RRP7A: variants seen among roughly 807,000 people sequenced by gnomAD.
RRP7A encodes the protein ribosomal RNA processing 7 homolog A.
In RRP7A, 27 loss-of-function variants were observed where a neutral mutation model predicts 38.4. The ratio of observed to expected loss-of-function variants is 0.70; its 90% CI spans 0.52 to 0.97. RRP7A has a LOEUF of 0.97. RRP7A is among the 50% of genes least tolerant of loss of function. The pLI, the probability that RRP7A is intolerant of heterozygous loss-of-function variation, is 0.00. For missense variants in RRP7A, 327 were observed against 375.4 expected (o/e 0.87, Z 1.07); for synonymous variants, 124 against 150.3 (o/e 0.83, Z 1.28).
chr22:42,514,852 G>A, intron 4 of RRP7A, 73 bp from the exon 5 acceptor site: 4 of 1,128,654 alleles, frequency 3.5e-6, no homozygotes, highest in Non-Finnish European at 5.2e-6. Context: ...GGGCCTGCCA[G>A]GCAAATTGGG....
chr22:42,514,953 G>A (rs1268794424), intron 4 of RRP7A, among the ~76,000 whole-genome samples, 174 bp from the exon 5 acceptor site: 1 of 150,576 alleles, frequency 6.6e-6, no homozygotes, highest in Non-Finnish European at 1.5e-5. Flanking sequence ...GTATGCCTGT[G>A]CCGCTCTGTG....
rs1256528264 is a variant in RRP7A at position 42,516,036 on chromosome 22, T to C, written c.317A>G (p.Lys106Arg). ...CGGAACTGGCTTGGGATGAAAAAACTTCGACCTTGACTCCTTTGGGCTCTC... is the reference window on the plus strand; with the variant it reads ...CGGAACTGGCTTGGGATGAAAAAACCTCGACCTTGACTCCTTTGGGCTCTC... ...LAESPKESRS[K>R]FFHPKPVPGF... The change falls in exon 3 of 7, where the codon AAG becomes AGG. Residue 106 changes from lysine (K) to arginine (R), a missense_variant. By Grantham distance (26) the Lys-to-Arg change is conservative. Coordinates refer to ENST00000323013, the MANE Select transcript of RRP7A (RefSeq NM_015703.5). 6.2e-7 allele frequency: 1 copy of C among 1,605,808 alleles called. No individual in the cohort carries two copies.
chr22:42,514,049 T>A (rs1920923860), intron 6 of RRP7A, 57 bp downstream of exon 6: 1 of 1,519,250 alleles, frequency 6.6e-7, no homozygotes, highest in Non-Finnish European at 9.0e-7. Flanking sequence ...GCCACAGGCC[T>A]CATCCGTGGC....
rs1932471499 is a variant in RRP7A, at chr22:42,511,803, CTT to C, written c.*1105_*1106del. 1 of 314,748 alleles carries C rather than the reference CTT, an allele frequency of 3.2e-6. No homozygotes were observed. The highest frequency in any genetic ancestry group is 6.8e-5 in the East Asian group (1 of 14,800). The allele number at this position is 314,748 out of a possible 1,614,324, so 19.5% of individuals were successfully genotyped here. ...CAGGCTGCTCACGTCATCTCATTAT[CTT>C]TTCTCACGAGGACTACTTCGGATAC... is the stretch of plus-strand genomic sequence containing the variant. On this transcript the variant is annotated 3_prime_UTR_variant, in exon 7 of 7. Transcript: ENST00000323013.
intron 4 of RRP7A, 100 bp downstream of exon 4, chr22:42,515,051 G>C: frequency 1.6e-6 from 1 of 623,948 alleles, no homozygotes; most frequent in South Asian, 1.9e-5. Context: ...CTCTCAGGGA[G>C]CATGGACTTG....
intron 4 of RRP7A, among the ~76,000 whole-genome samples, 165 bp from the exon 5 acceptor site, chr22:42,514,944 T>C (rs1484229772): frequency 1.1e-4 from 17 of 150,798 alleles, no homozygotes; most frequent in African/African-American, 4.2e-4. Context: ...GCCTGCCCAG[T>C]ATGCCTGTGC....
chr22:42,519,778 C>T lies in RRP7A; in HGVS notation c.9G>A (p.Ala3=). 1 of 1,444,282 alleles carries T rather than the reference C, an allele frequency of 6.9e-7. No individual in the cohort carries two copies. Among genetic ancestry groups the T allele is most frequent in the Non-Finnish European group, 9.1e-7 (1 of 1,100,214 alleles). The allele number at this position is 1,444,282 out of a possible 1,614,324, so 89.5% of individuals were successfully genotyped here. ...CCCGCGCGGCGCACTTCCTCCTGCG[C>T]GCCACCATCTTGCCACCCGGGAGCG... MV[A]RRRKCAARDP... Residue 3 remains alanine, a synonymous_variant, in exon 1 of 7, where the codon GCG becomes GCA. Coordinates refer to ENST00000323013, the MANE Select transcript of RRP7A (RefSeq NM_015703.5).
At chr22:42,514,403 C>T (rs542588254) in intron 5 of RRP7A, 99 bp from the exon 6 acceptor site, 2 of 845,064 alleles carry the variant, frequency 2.4e-6, no homozygotes, top group Admixed American at 2.7e-5. Context: ...GCCCTGAGCC[C>T]CCGCAGGGGA....
chr22:42,512,840 G>A lies in RRP7A; in HGVS notation c.*70C>T. 1 of 1,504,558 alleles carries A rather than the reference G, an allele frequency of 6.6e-7. No individual in the cohort carries two copies. Among genetic ancestry groups the A allele is most frequent in the Non-Finnish European group, 9.1e-7 (1 of 1,093,126 alleles). 93.2% of individuals were successfully genotyped at this position (1,504,558 alleles called of 1,614,324 possible). A position where few individuals can be genotyped will look rare whatever the true frequency, so the allele number is the denominator to read the frequency against. On this transcript the variant is annotated 3_prime_UTR_variant, in exon 7 of 7. Transcript: ENST00000323013. ...GTTGGCCAGAGCTCGGCCTCTCAGA[G>A]ACCGCTGCAGGCCCTGCCTCGCCTC...
rs538754336 is a variant in RRP7A at position 42,518,805 on chromosome 22, A to G, written c.74-658T>C. 1.2e-3 allele frequency: 540 copies of G among 464,236 alleles called. 4 individuals are homozygous for G. The highest frequency in any genetic ancestry group is 9.5e-3 in the African/African-American group (473 of 50,000). The allele number at this position is 464,236 out of a possible 1,614,324, so 28.8% of individuals were successfully genotyped here. A position where few individuals can be genotyped will look rare whatever the true frequency, so the allele number is the denominator to read the frequency against. ...CCTCATAAAGCTAGGAACTGCTTCT[A>G]TTTTTCTCACACCTCCGTCACAGTA... is the stretch of plus-strand genomic sequence containing the variant. On this transcript the variant is annotated intron_variant, in intron 1 of 6. Coordinates refer to ENST00000323013, the MANE Select transcript of RRP7A (RefSeq NM_015703.5).
intron 1 of RRP7A, among the ~76,000 whole-genome samples, chr22:42,519,465 A>T (rs536237578): frequency 6.6e-6 from 1 of 152,168 alleles, no homozygotes; most frequent in Non-Finnish European, 1.5e-5. Flanking sequence ...GAGTGTGGAC[A>T]GAGGCGGGCT....
In RRP7A at chr22:42,512,621, A is replaced by G. The variant is rs1328721809; in HGVS notation, c.*289T>C. On this transcript the variant is annotated 3_prime_UTR_variant, in exon 7 of 7. Coordinates refer to ENST00000323013, the MANE Select transcript of RRP7A (RefSeq NM_015703.5). ...TTTGCATTGAGGGAAAAGGAAGCAC[A>G]GAACGGATTCATCCAGGGTCCTGGA... 1.8e-6 allele frequency: 1 copy of G among 569,102 alleles called. No homozygotes were observed. The highest frequency in any genetic ancestry group is 3.2e-6 in the Non-Finnish European group (1 of 317,384). 35.3% of individuals were successfully genotyped at this position (569,102 alleles called of 1,614,324 possible).
chr22:42,516,249 A>G, intron 2 of RRP7A, 113 bp from the exon 3 acceptor site: 3 of 1,437,456 alleles, frequency 2.1e-6, no homozygotes, highest in South Asian at 1.2e-5. Context: ...ACTCAGCCAC[A>G]GCCACATCTG....
In RRP7A at chr22:42,509,041, T is replaced by C. The variant is rs773978858; in HGVS notation, c.*3869A>G. The C allele has an allele frequency of 6.2e-7, 1 of 1,606,858 alleles. No homozygotes were observed. Among genetic ancestry groups the C allele is most frequent in the Non-Finnish European group, 8.5e-7 (1 of 1,173,000 alleles). ...TTGTCTCTGCAGGCAGAGAACAGCA[T>C]TGACTTCGTCAGCAGGGAGCTGTGT... On this transcript the variant is annotated 3_prime_UTR_variant, in exon 7 of 7. Coordinates refer to ENST00000323013, the MANE Select transcript of RRP7A (RefSeq NM_015703.5).
At chr22:42,517,938 T>G in intron 2 of RRP7A, 67 bp downstream of exon 2, 1 of 1,559,162 alleles carries the variant, frequency 6.4e-7, no homozygotes, top group Non-Finnish European at 8.7e-7. Flanking sequence ...CACCAAGGAC[T>G]TGGTGGAGGC....
At chr22:42,517,244 G>A (rs1473220136) in intron 2 of RRP7A, among the ~76,000 whole-genome samples, 2 of 149,644 alleles carry the variant, frequency 1.3e-5, no homozygotes, top group Non-Finnish European at 3.0e-5. Context: ...CTGTGCTCCA[G>A]CCTGAGCAAC....
Position 42,512,821 on chromosome 22 carries a change from C to G in RRP7A, c.*89G>C. 7.2e-7 allele frequency: 1 copy of G among 1,392,328 alleles called. No individual in the cohort carries two copies. Among genetic ancestry groups the G allele is most frequent in the Non-Finnish European group, 1.0e-6 (1 of 996,910 alleles). The allele number at this position is 1,392,328 out of a possible 1,614,324, so 86.2% of individuals were successfully genotyped here. A position where few individuals can be genotyped will look rare whatever the true frequency, so the allele number is the denominator to read the frequency against. On this transcript the variant is annotated 3_prime_UTR_variant, in exon 7 of 7. Transcript: ENST00000323013. ...GGCCTTCAACCTGGGGCCCGTTGGC[C>G]AGAGCTCGGCCTCTCAGAGACCGCT...
chr22:42,512,519 G>A lies in RRP7A; in HGVS notation c.*391C>T. ...GGCTGGGCCCACCTAGCCTTTCCCT[G>A]CTGCCCAACTGGATGGAAAATAAAA... On this transcript the variant is annotated 3_prime_UTR_variant, in exon 7 of 7. Coordinates refer to ENST00000323013, the MANE Select transcript of RRP7A (RefSeq NM_015703.5). The A allele has an allele frequency of 1.8e-6, 1 of 547,592 alleles. No individual in the cohort carries two copies. Among genetic ancestry groups the A allele is most frequent in the South Asian group, 2.2e-5 (1 of 45,874 alleles). 33.9% of individuals were successfully genotyped at this position (547,592 alleles called of 1,614,324 possible).
rs1932417715 is a variant in RRP7A at position 42,510,373 on chromosome 22, G to C, written c.*2537C>G. On this transcript the variant is annotated 3_prime_UTR_variant, in exon 7 of 7. Coordinates refer to ENST00000323013, the MANE Select transcript of RRP7A (RefSeq NM_015703.5). The stretch of plus-strand genomic sequence containing the variant: ...AGCTCTGCTGTTCAGGGCTGACTGT[G>C]ACCAAGTCCTGAACTCCCTGCGCCC... 5.0e-6 allele frequency: 1 copy of C among 199,542 alleles called. No homozygotes were observed. The highest frequency in any genetic ancestry group is 1.0e-5 in the Non-Finnish European group (1 of 98,392). The allele number at this position is 199,542 out of a possible 1,614,324, so 12.4% of individuals were successfully genotyped here. A position where few individuals can be genotyped will look rare whatever the true frequency, so the allele number is the denominator to read the frequency against.
Sources: allele counts gnomAD v4.1 joint callset (sites outside exome capture counted in the v4.1 genomes callset), GRCh38; gene constraint gnomAD v4.1.1; transcripts MANE v1.5; gene names NCBI Gene and HGNC (gene_info 2026-07-23, HGNC 2026-07-21).